RSRC1: variants seen among roughly 807,000 people sequenced by gnomAD.
RSRC1 encodes serine/Arginine-related protein 53.
RSRC1 carries 39 observed loss-of-function variants against 49.1 expected under a neutral mutation model. The ratio of observed to expected loss-of-function variants is 0.79; its 90% CI spans 0.61 to 1.04. RSRC1 has a LOEUF of 1.04. Ranked by LOEUF, RSRC1 falls within the 50% of genes least tolerant of loss-of-function variation. The pLI is 0.00. For synonymous variants in RSRC1, 143 were observed against 130.8 expected (o/e 1.09, Z -0.63); for missense variants, 388 against 402.4 (o/e 0.96, Z 0.31).
chr3:158,365,418 G>T (rs1731708768), intron 6 of RSRC1, among the ~76,000 whole-genome samples: 2 of 151,982 alleles, frequency 1.3e-5, no homozygotes, highest in Non-Finnish European at 2.9e-5. Flanking sequence ...CTGTTCCTGT[G>T]TTAGTTTGCT....
rs1719027307 is a variant in RSRC1, at chr3:158,173,841, G to T, written c.321-29231G>T. Among the ~76,000 whole-genome samples, 3 of 151,634 alleles carry T rather than the reference G, an allele frequency of 2.0e-5. No homozygotes were observed. In the South Asian group the frequency reaches 6.2e-4, roughly 32 times the overall value. ...ACTTGAAAAATTATGAGAAGTGAAA[G>T]AAGCCAAGTTCAAGAAATCACATAC... On this transcript the variant is annotated intron_variant, in intron 3 of 9. Coordinates refer to ENST00000611884, the MANE Select transcript of RSRC1 (RefSeq NM_001271838.2).
chr3:158,345,932 CA>C (rs1328510550), intron 5 of RSRC1, among the ~76,000 whole-genome samples: 1 of 151,284 alleles, frequency 6.6e-6, no homozygotes, highest in Non-Finnish European at 1.5e-5. Context: ...GTCTTTTCCA[CA>C]GATGGTGCTG....
At chr3:158,354,719 G>A (rs1462334457) in intron 5 of RSRC1, 138 bp from the exon 6 acceptor site, 1 of 621,094 alleles carries the variant, frequency 1.6e-6, no homozygotes, top group Admixed American at 3.6e-5. Context: ...AAGATGTGAT[G>A]GATTTTAATA....
intron 7 of RSRC1, among the ~76,000 whole-genome samples, chr3:158,514,006 T>C (rs1413710040): frequency 6.6e-6 from 1 of 152,174 alleles, no homozygotes; most frequent in Admixed American, 6.5e-5. Flanking sequence ...GATTCTTCTC[T>C]TTTTTTCTTT....
At chr3:158,181,588 A>T (rs1479782217) in intron 3 of RSRC1, among the ~76,000 whole-genome samples, 1 of 148,092 alleles carries the variant, frequency 6.8e-6, no homozygotes. Context: ...AGATGTTATC[A>T]TCATAGTTTG....
At chr3:158,439,490 AAGG>A (rs1213038914) in intron 6 of RSRC1, among the ~76,000 whole-genome samples, 2 of 152,188 alleles carry the variant, frequency 1.3e-5, no homozygotes, top group African/African-American at 2.4e-5. Flanking sequence ...AGCCATAAAA[AAGG>A]AGGAGTTCAT....
At chr3:158,317,290 G>A (rs1393372623) in intron 5 of RSRC1, among the ~76,000 whole-genome samples, 8 of 152,278 alleles carry the variant, frequency 5.3e-5, no homozygotes, top group Admixed American at 3.3e-4. Context: ...GTATAGTGGC[G>A]TGATCTCGGC....
chr3:158,345,594 G>C (rs902971957), intron 5 of RSRC1, among the ~76,000 whole-genome samples: 1 of 151,886 alleles, frequency 6.6e-6, no homozygotes, highest in Non-Finnish European at 1.5e-5. Context: ...GAATGCAAAG[G>C]AATTAGAAGA....
chr3:158,200,105 T>A (rs1720946995), intron 3 of RSRC1, among the ~76,000 whole-genome samples: 1 of 152,198 alleles, frequency 6.6e-6, no homozygotes, highest in Admixed American at 6.5e-5. Context: ...TGGCGCTATC[T>A]TGGCTCACTG....
At chr3:158,534,892 C>G (rs537306718) in intron 7 of RSRC1, among the ~76,000 whole-genome samples, 3 of 151,306 alleles carry the variant, frequency 2.0e-5, no homozygotes, top group African/African-American at 7.2e-5. Flanking sequence ...AAAGAATATA[C>G]TTATATTCTC....
intron 7 of RSRC1, among the ~76,000 whole-genome samples, chr3:158,514,374 A>T (rs1236854412): frequency 6.6e-6 from 1 of 152,126 alleles, no homozygotes; most frequent in Non-Finnish European, 1.5e-5. Context: ...TTCGTTATGT[A>T]CCCAGCAGTC....
intron 6 of RSRC1, among the ~76,000 whole-genome samples, chr3:158,362,987 T>G (rs1279919382): frequency 6.6e-6 from 1 of 152,206 alleles, no homozygotes; most frequent in Non-Finnish European, 1.5e-5. Context: ...AAGATAGAAA[T>G]TTCTTTTTGT....
At chr3:158,353,229 C>T (rs983558774) in intron 5 of RSRC1, among the ~76,000 whole-genome samples, 3 of 152,184 alleles carry the variant, frequency 2.0e-5, no homozygotes, top group Admixed American at 6.5e-5. Flanking sequence ...CCTCTAGACA[C>T]ATTCCTTTCA....
At chr3:158,378,958 A>G (rs1396467585) in intron 6 of RSRC1, among the ~76,000 whole-genome samples, 1 of 152,098 alleles carries the variant, frequency 6.6e-6, no homozygotes, top group Non-Finnish European at 1.5e-5. Context: ...CTGTTTCCCC[A>G]CACCTCACAG....
chr3:158,462,404 A>T (rs568509333), intron 7 of RSRC1, among the ~76,000 whole-genome samples: 2 of 152,092 alleles, frequency 1.3e-5, no homozygotes, highest in Non-Finnish European at 2.9e-5. Flanking sequence ...AATGGCCCTT[A>T]TAAAACTCTG....
intron 3 of RSRC1, among the ~76,000 whole-genome samples, chr3:158,202,559 A>G (rs1721103483): frequency 6.3e-5 from 2 of 31,804 alleles, no homozygotes; most frequent in Admixed American, 6.5e-4. Flanking sequence ...TCAGTCTGGT[A>G]GATTATATAT....
At chr3:158,478,947 G>GAAA (rs1491197957) in intron 7 of RSRC1, among the ~76,000 whole-genome samples, 5 of 44,778 alleles carry the variant, frequency 1.1e-4, no homozygotes, top group African/African-American at 3.5e-4. Flanking sequence ...AGGAGAAAAA[G>GAAA]CAAAAAAAAA....
intron 6 of RSRC1, among the ~76,000 whole-genome samples, chr3:158,411,036 T>G (rs1162122395): frequency 6.6e-6 from 1 of 152,168 alleles, no homozygotes; most frequent in East Asian, 1.9e-4. Flanking sequence ...TTTGCTTCTT[T>G]TGAATGGGAA....
chr3:158,176,927 A>G (rs551709658), intron 3 of RSRC1, among the ~76,000 whole-genome samples: 10 of 152,322 alleles, frequency 6.6e-5, no homozygotes, highest in Admixed American at 3.3e-4. Flanking sequence ...AGAATCTACA[A>G]AGAACTTAAA....
Sources: allele counts gnomAD v4.1 joint callset (sites outside exome capture counted in the v4.1 genomes callset), GRCh38; gene constraint gnomAD v4.1.1; transcripts MANE v1.5; gene names NCBI Gene and HGNC (gene_info 2026-07-23, HGNC 2026-07-21).